The following CEP128 variants were observed in gnomAD, a reference collection of about 807,000 sequenced individuals.
CEP128 encodes centrosomal protein 128kDa.
CEP128 carries 132 observed loss-of-function variants against 156.7 expected under a neutral mutation model. The observed-to-expected ratio is 0.84, with a 90% CI of 0.73 to 0.97. The LOEUF is 0.97. Ranked by LOEUF, CEP128 falls within the 50% of genes least tolerant of loss-of-function variation. The pLI, the probability that CEP128 is intolerant of heterozygous loss-of-function variation, is 0.00. For synonymous variants in CEP128, 469 were observed against 448.9 expected, an observed-to-expected ratio of 1.04 and a Z score of -0.57; for missense variants, 1,252 against 1,281.9, an observed-to-expected ratio of 0.98 and a Z score of 0.36.
chr14:80,683,889 T>C (rs945142873), intron 19 of CEP128, among the ~76,000 whole-genome samples: 3 of 151,944 alleles, frequency 2.0e-5, no homozygotes, highest in African/African-American at 2.4e-5. Flanking sequence ...ACAAAATTCT[T>C]TGAAATAAAT....
chr14:80,817,261 C>T (rs139556733), intron 13 of CEP128, among the ~76,000 whole-genome samples: 11 of 152,064 alleles, frequency 7.2e-5, no homozygotes, highest in Admixed American at 2.0e-4. Flanking sequence ...AGGTAGAGAA[C>T]GAATCAGTAT....
intron 20 of CEP128, among the ~76,000 whole-genome samples, chr14:80,569,220 A>G (rs1891039458): frequency 6.6e-6 from 1 of 152,220 alleles, no homozygotes; most frequent in Non-Finnish European, 1.5e-5. Context: ...TAGTACTTTT[A>G]AAATGGTCCC....
At chr14:80,506,102 A>G (rs537197415) in intron 23 of CEP128, among the ~76,000 whole-genome samples, 2 of 152,292 alleles carry the variant, frequency 1.3e-5, no homozygotes, top group East Asian at 3.9e-4. Flanking sequence ...TTGAATATGA[A>G]TCCACGAAAT....
At chr14:80,546,170 T>A (rs1192887975) in intron 21 of CEP128, among the ~76,000 whole-genome samples, 1 of 152,154 alleles carries the variant, frequency 6.6e-6, no homozygotes, top group East Asian at 1.9e-4. Flanking sequence ...GTAAAGGTAA[T>A]GCATACATCG....
chr14:80,535,599 G>A (rs533578456), intron 21 of CEP128, among the ~76,000 whole-genome samples: 12 of 149,408 alleles, frequency 8.0e-5, no homozygotes, highest in East Asian at 3.9e-4. Flanking sequence ...ACACGCGCAC[G>A]CATACATGCA....
intron 19 of CEP128, among the ~76,000 whole-genome samples, chr14:80,635,785 C>T (rs903693425): frequency 1.3e-5 from 2 of 152,150 alleles, no homozygotes; most frequent in Non-Finnish European, 2.9e-5. Flanking sequence ...AAATCTGAAC[C>T]TTTTTGAACA....
At chr14:80,565,107 C>T (rs1890857013) in intron 20 of CEP128, among the ~76,000 whole-genome samples, 1 of 152,082 alleles carries the variant, frequency 6.6e-6, no homozygotes. Flanking sequence ...GGTCATGCAG[C>T]CTCTGGCTTC....
intron 13 of CEP128, chr14:80,822,895 T>A (rs1249331981): frequency 1.7e-6 from 1 of 572,222 alleles, no homozygotes; most frequent in Non-Finnish European, 3.2e-6. Flanking sequence ...ATTTTACTTT[T>A]TTTTAAGCTA....
intron 2 of CEP128, among the ~76,000 whole-genome samples, chr14:80,937,527 A>AC (rs1885876578): frequency 6.6e-6 from 1 of 152,152 alleles, no homozygotes; most frequent in Non-Finnish European, 1.5e-5. Flanking sequence ...GAGTGAATGA[A>AC]TTTTTTTACA....
At chr14:80,748,387 G>C (rs1225127066) in intron 18 of CEP128, among the ~76,000 whole-genome samples, 1 of 152,054 alleles carries the variant, frequency 6.6e-6, no homozygotes, top group African/African-American at 2.4e-5. Context: ...CACTAACGAA[G>C]AATACAGGAA....
At chr14:80,657,209 A>T (rs575232457) in intron 19 of CEP128, among the ~76,000 whole-genome samples, 136 of 152,002 alleles carry the variant, frequency 8.9e-4, no homozygotes, top group African/African-American at 3.2e-3. Context: ...GTGAGCCGAG[A>T]TTACGCCACT....
At chr14:80,698,753 T>C (rs1324443330) in intron 19 of CEP128, among the ~76,000 whole-genome samples, 1 of 152,136 alleles carries the variant, frequency 6.6e-6, no homozygotes, top group African/African-American at 2.4e-5. Context: ...TTTAGACCTA[T>C]CTATATTACC....
intron 2 of CEP128, among the ~76,000 whole-genome samples, chr14:80,922,766 T>G (rs1884941922): frequency 6.6e-6 from 1 of 152,168 alleles, no homozygotes; most frequent in Non-Finnish European, 1.5e-5. Flanking sequence ...CTCATTATCA[T>G]AAGAAATTTC....
chr14:80,498,959 C>T (rs4899773), intron 24 of CEP128, among the ~76,000 whole-genome samples: 122,650 of 152,138 alleles, frequency 0.81, 50,889 homozygotes, highest in Middle Eastern at 0.9. Context: ...CTTGCAAAAA[C>T]CAGAATTCAA....
rs1178742562 is a variant in CEP128, at chr14:80,831,195, C to G, written c.1157G>C (p.Arg386Pro). The change falls in exon 13 of 25, where the codon CGG becomes CCG. Residue 386 changes from arginine (R) to proline (P), a missense_variant. Coordinates refer to ENST00000555265, the MANE Select transcript of CEP128 (RefSeq NM_152446.5). ...CTCCTTGTCTTTTCTCTCCATGCACCGTTTCACTTCCTCTAACTCAGATGC... is the reference window on the plus strand; with the variant it reads ...CTCCTTGTCTTTTCTCTCCATGCACGGTTTCACTTCCTCTAACTCAGATGC... Reference protein sequence around the residue: ...AMASELEEVKRCMERKDKEKA... With the variant: ...AMASELEEVKPCMERKDKEKA... 14 of 1,613,960 alleles carry G rather than the reference C, an allele frequency of 8.7e-6. No individual in the cohort carries two copies. The highest frequency in any genetic ancestry group is 1.2e-5 in the Non-Finnish European group (14 of 1,179,914).
chr14:80,484,227 C>T (rs572950103), intron 14 of CEP128, among the ~76,000 whole-genome samples: 58 of 152,324 alleles, frequency 3.8e-4, no homozygotes, highest in Admixed American at 1.2e-3. Context: ...ATCTGCCTGC[C>T]TCGGCCTCCC....
intron 19 of CEP128, among the ~76,000 whole-genome samples, chr14:80,589,665 T>C (rs1403419690): frequency 1.3e-5 from 2 of 152,058 alleles, no homozygotes; most frequent in Non-Finnish European, 2.9e-5. Context: ...TATGCTGGAG[T>C]GTAATTATGT....
At chr14:80,650,873 A>T (rs1894873262) in intron 19 of CEP128, among the ~76,000 whole-genome samples, 1 of 152,012 alleles carries the variant, frequency 6.6e-6, no homozygotes. Flanking sequence ...ACTGGCCTGA[A>T]ATTTTCTTTT....
intron 19 of CEP128, among the ~76,000 whole-genome samples, chr14:80,672,382 C>CTATATTCA (rs1193423708): frequency 2.7e-5 from 4 of 150,336 alleles, no homozygotes; most frequent in African/African-American, 9.8e-5. Flanking sequence ...ATTGCTGATG[C>CTATATTCA]TATATTCAGT....
Sources: allele counts gnomAD v4.1 joint callset (sites outside exome capture counted in the v4.1 genomes callset), GRCh38; gene constraint gnomAD v4.1.1; transcripts MANE v1.5; gene names NCBI Gene and HGNC (gene_info 2026-07-23, HGNC 2026-07-21).